BRD10: variants seen among roughly 807,000 people sequenced by gnomAD.
BRD10 encodes bromodomain containing 10.
At chr9:5,975,772 G>A in the BRD10 span, among the ~76,000 whole-genome samples, 1 of 152,004 alleles carries the variant, frequency 6.6e-6, no homozygotes, top group Admixed American at 6.5e-5. Flanking sequence ...TAAAATGTGA[G>A]AAGAACTGGG....
chr9:5,966,822 G>C, the BRD10 span, among the ~76,000 whole-genome samples: 1 of 152,166 alleles, frequency 6.6e-6, no homozygotes, highest in East Asian at 1.9e-4. Flanking sequence ...AAAACAAATG[G>C]ATCGCTTATA....
chr9:5,951,071 C>T, the BRD10 span, among the ~76,000 whole-genome samples: 1 of 147,122 alleles, frequency 6.8e-6, no homozygotes, highest in Non-Finnish European at 1.5e-5. Flanking sequence ...CACACACACA[C>T]ACACACCCCC....
chr9:6,007,982 T>C, the BRD10 span: 5 of 1,277,042 alleles, frequency 3.9e-6, no homozygotes, highest in South Asian at 2.6e-5. Context: ...CGGGGTTACA[T>C]GGCGCGCGAG....
chr9:5,954,065 G>C, the BRD10 span: 2 of 1,561,998 alleles, frequency 1.3e-6, no homozygotes, highest in South Asian at 2.3e-5. Flanking sequence ...CCTCTTCTTT[G>C]TGATTGCTTT....
the BRD10 span, among the ~76,000 whole-genome samples, chr9:5,966,109 A>C: frequency 6.6e-6 from 1 of 152,214 alleles, no homozygotes; most frequent in Non-Finnish European, 1.5e-5. Flanking sequence ...AGAATAAAAT[A>C]AGTATACAAA....
At chr9:5,936,988 T>C in the BRD10 span, among the ~76,000 whole-genome samples, 8 of 151,816 alleles carry the variant, frequency 5.3e-5, no homozygotes, top group Non-Finnish European at 1.0e-4. Context: ...TCCCAGCACT[T>C]TGGGAGGCTG....
At chr9:5,943,391 A>G in the BRD10 span, among the ~76,000 whole-genome samples, 3 of 152,190 alleles carry the variant, frequency 2.0e-5, no homozygotes, top group African/African-American at 7.2e-5. Context: ...TGTAGCATAA[A>G]AAATTGGCAA....
the BRD10 span, among the ~76,000 whole-genome samples, chr9:5,893,448 A>G: frequency 6.6e-6 from 1 of 152,224 alleles, no homozygotes; most frequent in African/African-American, 2.4e-5. Context: ...GGGACCAGCA[A>G]GATGTAAAGC....
the BRD10 span, among the ~76,000 whole-genome samples, chr9:5,911,537 CTT>C: frequency 7.1e-6 from 1 of 141,188 alleles, no homozygotes; most frequent in Non-Finnish European, 1.5e-5. Flanking sequence ...CTTTTCTTTT[CTT>C]TTCTTTTTTT....
chr9:5,992,279 G>C, the BRD10 span, among the ~76,000 whole-genome samples: 2 of 152,038 alleles, frequency 1.3e-5, no homozygotes, highest in Non-Finnish European at 2.9e-5. Flanking sequence ...ATCTATATGC[G>C]CATAGAAAGT....
At chr9:5,888,444 G>A in the BRD10 span, among the ~76,000 whole-genome samples, 1 of 152,206 alleles carries the variant, frequency 6.6e-6, no homozygotes, top group Non-Finnish European at 1.5e-5. Context: ...GACATCACTT[G>A]TTCTTTGTTG....
At chr9:5,948,648 G>A in the BRD10 span, among the ~76,000 whole-genome samples, 1 of 151,858 alleles carries the variant, frequency 6.6e-6, no homozygotes, top group East Asian at 1.9e-4. Context: ...AGGACATAAG[G>A]TAACATTAAA....
the BRD10 span, among the ~76,000 whole-genome samples, chr9:5,998,270 A>T: frequency 7.9e-6 from 1 of 125,986 alleles, no homozygotes; most frequent in Non-Finnish European, 1.7e-5. Flanking sequence ...CTGTTCTATT[A>T]TTGCCCCAGG....
the BRD10 span, among the ~76,000 whole-genome samples, chr9:5,995,645 T>C: frequency 5.3e-5 from 8 of 152,264 alleles, no homozygotes; most frequent in South Asian, 1.4e-3. Flanking sequence ...ATGCAAAGGG[T>C]ATTTTTCAGT....
the BRD10 span, among the ~76,000 whole-genome samples, chr9:5,967,785 C>A: frequency 4.0e-5 from 6 of 150,474 alleles, no homozygotes; most frequent in Non-Finnish European, 7.4e-5. Context: ...ACATGTTCAA[C>A]TGAAAATTAA....
At chr9:5,913,051 C>T in the BRD10 span, among the ~76,000 whole-genome samples, 1 of 152,138 alleles carries the variant, frequency 6.6e-6, no homozygotes, top group Non-Finnish European at 1.5e-5. Context: ...CTATGCATTT[C>T]CCTGCAAGAT....
At chr9:5,879,605 G>A in the BRD10 span, among the ~76,000 whole-genome samples, 5 of 152,120 alleles carry the variant, frequency 3.3e-5, no homozygotes, top group Non-Finnish European at 5.9e-5. Flanking sequence ...GGTGGCCACC[G>A]CTGGCTCTTT....
the BRD10 span, among the ~76,000 whole-genome samples, chr9:5,964,371 A>T: frequency 7.9e-5 from 12 of 152,034 alleles, no homozygotes; most frequent in Admixed American, 1.3e-4. Flanking sequence ...ATCTCACACC[A>T]TTTAGAATGG....
the BRD10 span, chr9:5,954,003 T>C: frequency 2.0e-6 from 3 of 1,504,276 alleles, no homozygotes; most frequent in South Asian, 1.2e-5. Context: ...CGAGACAAAG[T>C]TGAAACATTT....
Sources: gnomAD v4.1 joint callset for allele counts (sites outside exome capture counted in the v4.1 genomes callset) on GRCh38, gnomAD v4.1.1 for gene constraint, MANE v1.5 for transcripts, NCBI Gene and HGNC (gene_info 2026-07-23, HGNC 2026-07-21) for gene names.